TEKT5: variants seen among roughly 807,000 people sequenced by gnomAD.
TEKT5 encodes the protein tektin-5.
TEKT5 carries 52 observed loss-of-function variants against 48.7 expected under a neutral mutation model. That is an observed-to-expected ratio of 1.07 (90% CI 0.86 to 1.35). The LOEUF is 1.35. Among genes scored for constraint, TEKT5 ranks in the 40% most tolerant of loss-of-function variants. The pLI is 0.00. For missense variants in TEKT5, 831 were observed against 641.6 expected, an observed-to-expected ratio of 1.30 and a Z score of -3.19; for synonymous variants, 318 against 267.6, an observed-to-expected ratio of 1.19 and a Z score of -1.84.
chr16:10,690,640 G>T, intron 1 of TEKT5: 1 of 985,394 alleles, frequency 1.0e-6, no homozygotes, highest in Admixed American at 6.1e-5. Context: ...TCTCCCAGTG[G>T]AGGGACAGTT....
intron 4 of TEKT5, among the ~76,000 whole-genome samples, chr16:10,678,905 G>C (rs1352680240): frequency 6.6e-6 from 1 of 152,188 alleles, no homozygotes; most frequent in Non-Finnish European, 1.5e-5. Flanking sequence ...GTGCTTTCTG[G>C]AGTCTTTGTT....
intron 5 of TEKT5, among the ~76,000 whole-genome samples, chr16:10,654,624 A>G (rs527989136): frequency 6.6e-6 from 1 of 152,094 alleles, no homozygotes; most frequent in African/African-American, 2.4e-5. Flanking sequence ...ATCTTCTCCT[A>G]CCCTTGGACA....
rs74785801 is a variant in TEKT5 at position 10,676,299 on chromosome 16, G to T, written c.864-118C>A. On this transcript the variant is annotated intron_variant, in intron 4 of 6. Transcript: ENST00000283025. ...TTATTCTCTGTCCTGTGCATTGTAG[G>T]GTGCTTGGGATGTTTAAGCAGCATC... The T allele has an allele frequency of 5.1e-6, 5 of 980,660 alleles. No individual in the cohort carries two copies. The African/African-American group carries it at 8.1e-5, about 16-fold the overall frequency. The allele number at this position is 980,660 out of a possible 1,614,324, so 60.7% of individuals were successfully genotyped here. A position where few individuals can be genotyped will look rare whatever the true frequency, so the allele number is the denominator to read the frequency against.
At chr16:10,690,103 C>A in intron 1 of TEKT5, 78 bp from the exon 2 acceptor site, 1 of 1,478,362 alleles carries the variant, frequency 6.8e-7, no homozygotes, top group Non-Finnish European at 9.3e-7. Context: ...CACATCCACC[C>A]TTGCCACAAT....
intron 5 of TEKT5, among the ~76,000 whole-genome samples, chr16:10,651,813 T>A (rs1474103569): frequency 6.6e-6 from 1 of 151,946 alleles, no homozygotes; most frequent in Non-Finnish European, 1.5e-5. Flanking sequence ...TACAAAAAAA[T>A]TAGCCAGGTG....
chr16:10,693,016 C>G (rs1407476995), intron 1 of TEKT5: 2 of 152,248 alleles, frequency 1.3e-5, no homozygotes, highest in Admixed American at 6.5e-5. Context: ...ACTATCCTAA[C>G]TGAGCAGGGA....
intron 5 of TEKT5, among the ~76,000 whole-genome samples, chr16:10,672,425 C>T (rs1898564536): frequency 6.6e-6 from 1 of 152,058 alleles, no homozygotes; most frequent in Admixed American, 6.6e-5. Flanking sequence ...AACGCCGTCT[C>T]TACAAAAAAT....
At chr16:10,676,329 GC>G in intron 4 of TEKT5, 148 bp from the exon 5 acceptor site, 1 of 769,308 alleles carries the variant, frequency 1.3e-6, no homozygotes, top group South Asian at 1.8e-5. Context: ...AGCATCCCTG[GC>G]CTCTACCCAC....
At position 10,694,760 on chromosome 16, in the gene TEKT5, G is replaced by A; in HGVS notation, c.114C>T (p.Pro38=). 6.2e-7 allele frequency: 1 copy of A among 1,614,128 alleles called. No homozygotes were observed. The highest frequency in any genetic ancestry group is 8.5e-7 in the Non-Finnish European group (1 of 1,180,000). ...GGTAGCGGTACCCGGGCAGGTAGTA[G>A]GGCTGATAGCATTCCTGGATCACTG... ...QAPVIQECYQ[P]YYLPGYRYLN... is the part of the protein sequence containing the mutation. Residue 38 remains proline (P), a synonymous_variant, in exon 1 of 7, where the codon CCC becomes CCT. Coordinates refer to ENST00000283025, the MANE Select transcript of TEKT5 (RefSeq NM_144674.2).
In TEKT5 at chr16:10,662,050, T is replaced by C. The variant is rs531654106; in HGVS notation, c.1086+13909A>G. On this transcript the variant is annotated intron_variant, in intron 5 of 6. Transcript: ENST00000283025. ...CCTTTCTCTCTTCTTAAATTAAACC[T>C]TAATGCTAGCAGATCAGGGTTTCTT... 3.9e-5 allele frequency among the ~76,000 whole-genome samples: 6 copies of C among 152,284 alleles called. No homozygotes were observed. The South Asian group carries it at 1.2e-3, about 32-fold the overall frequency.
chr16:10,657,682 C>T (rs1412372754), intron 5 of TEKT5, among the ~76,000 whole-genome samples: 5 of 151,464 alleles, frequency 3.3e-5, no homozygotes, highest in African/African-American at 4.9e-5. Flanking sequence ...CTCCACCTCC[C>T]GGGTTCATGC....
chr16:10,675,963 G>C lies in TEKT5; in HGVS notation c.1082C>G (p.Ala361Gly). The C allele has an allele frequency of 6.2e-7, 1 of 1,613,804 alleles. No homozygotes were observed. The highest frequency in any genetic ancestry group is 8.5e-7 in the Non-Finnish European group (1 of 1,179,742). The change falls in exon 5 of 7, where the codon GCG becomes GGG. Residue 361 changes from alanine to glycine, a missense_variant. Physicochemically the swap from Ala to Gly is moderately conservative, Grantham distance 60. Transcript: ENST00000283025. ...DVKNKLQTQLAKTLQEIFQAE... is the reference protein window; with the variant it reads ...DVKNKLQTQLGKTLQEIFQAE... ...GTCCTGGGAGGATCTGCTCACCTTC[G>C]CCAGCTGCGTCTGCAGCTTATTCTT... is the stretch of plus-strand genomic sequence containing the variant.
intron 5 of TEKT5, among the ~76,000 whole-genome samples, chr16:10,672,407 T>C (rs909551718): frequency 1.3e-5 from 2 of 151,898 alleles, no homozygotes; most frequent in Non-Finnish European, 2.9e-5. Flanking sequence ...GCCTGGGCAA[T>C]ATGGCAAAAC....
chr16:10,667,124 C>T (rs147617370), intron 5 of TEKT5, among the ~76,000 whole-genome samples: 3 of 152,112 alleles, frequency 2.0e-5, no homozygotes, highest in African/African-American at 7.2e-5. Context: ...GCTGGGACTA[C>T]AGGCGCATGC....
At chr16:10,659,729 A>G (rs1898329633) in intron 5 of TEKT5, among the ~76,000 whole-genome samples, 1 of 152,212 alleles carries the variant, frequency 6.6e-6, no homozygotes, top group African/African-American at 2.4e-5. Context: ...TTCACATTCA[A>G]AATAAGAAAA....
intron 3 of TEKT5, among the ~76,000 whole-genome samples, chr16:10,685,365 T>C (rs1051665602): frequency 1.3e-5 from 2 of 152,162 alleles, no homozygotes; most frequent in Admixed American, 6.6e-5. Flanking sequence ...AGTGGCACGA[T>C]CTTGGCTCAC....
At chr16:10,628,654 C>T (rs1201461841) in intron 6 of TEKT5, among the ~76,000 whole-genome samples, 1 of 152,150 alleles carries the variant, frequency 6.6e-6, no homozygotes, top group Non-Finnish European at 1.5e-5. Flanking sequence ...CCTGAAATCC[C>T]AGCACTTTGG....
intron 1 of TEKT5, chr16:10,692,687 C>T (rs887288377): frequency 6.6e-6 from 1 of 152,184 alleles, no homozygotes; most frequent in African/African-American, 2.4e-5. Flanking sequence ...AAAGACATTC[C>T]CTGATAAAAA....
intron 4 of TEKT5, among the ~76,000 whole-genome samples, chr16:10,678,962 G>A (rs1898697631): frequency 6.6e-6 from 1 of 152,136 alleles, no homozygotes; most frequent in South Asian, 2.1e-4. Flanking sequence ...AGGCAGGAAG[G>A]CACCATTGGT....
Sources: gnomAD v4.1 joint callset for allele counts (sites outside exome capture counted in the v4.1 genomes callset) on GRCh38, gnomAD v4.1.1 for gene constraint, MANE v1.5 for transcripts, NCBI Gene and HGNC (gene_info 2026-07-23, HGNC 2026-07-21) for gene names.